Variants in NOTCH2 observed in about 807,000 individuals in gnomAD.
NOTCH2 encodes the protein neurogenic locus notch homolog protein 2.
A neutral mutation model predicts 235.8 loss-of-function variants in NOTCH2; 29 were observed. The observed-to-expected ratio is 0.12, with a 90% CI of 0.09 to 0.17. The LOEUF (loss-of-function observed/expected upper bound fraction) is 0.17, where lower values mean the gene tolerates loss of function less well. Among genes scored for constraint, NOTCH2 ranks in the 10% least tolerant of loss-of-function variants. NOTCH2 has a pLI of 1.00. For missense variants in NOTCH2, 2,285 were observed against 3,150.2 expected, an observed-to-expected ratio of 0.73 and a Z score of 6.57; for synonymous variants, 1,086 against 1,141.5, an observed-to-expected ratio of 0.95 and a Z score of 0.98.
At chr1:120,006,134 A>T (rs1447902763) in intron 2 of NOTCH2, among the ~76,000 whole-genome samples, 1 of 152,118 alleles carries the variant, frequency 6.6e-6, no homozygotes, top group Non-Finnish European at 1.5e-5. Flanking sequence ...TTCCACTGAA[A>T]CATCAATTGG....
chr1:119,953,313 C>CA lies in NOTCH2; in HGVS notation c.2365+229dup, dbSNP rs10695258. On this transcript the variant is annotated intron_variant, in intron 14 of 33. Coordinates refer to ENST00000256646, the MANE Select transcript of NOTCH2 (RefSeq NM_024408.4). ...GGGCAACAAGAGCAAAACTCTGTGT[C>CA]AAAAAAAAAAAAAATTACTATTTCA... Among the ~76,000 whole-genome samples, 16,349 of 143,818 alleles carry CA rather than the reference C, an allele frequency of 0.11. 1,889 individuals carry two copies. The highest frequency in any genetic ancestry group is 0.29 in the African/African-American group (11,857 of 40,398). The allele number at this position is 143,818 out of a possible 152,430, so 94.4% of individuals were successfully genotyped here. A position where few individuals can be genotyped will look rare whatever the true frequency, so the allele number is the denominator to read the frequency against.
In NOTCH2 at chr1:119,967,462, A is replaced by T; in HGVS notation, c.1424T>A (p.Ile475Asn). ...CQNDATCLDK[I>N]GGFTCLCMPG... ...CATGCACAGACATGTGAAGCCTCCA[A>T]TCTTATCCAGACAGGTAGCATCATT... Residue 475 changes from isoleucine to asparagine, a missense_variant, in exon 8 of 34, where the codon ATT becomes AAT. Coordinates refer to ENST00000256646, the MANE Select transcript of NOTCH2 (RefSeq NM_024408.4). 1.2e-6 allele frequency: 2 copies of T among 1,614,096 alleles called. No individual in the cohort carries two copies. The highest frequency in any genetic ancestry group is 1.7e-6 in the Non-Finnish European group (2 of 1,179,962).
chr1:119,943,579 T>C (rs931785801), intron 17 of NOTCH2, among the ~76,000 whole-genome samples: 1 of 152,178 alleles, frequency 6.6e-6, no homozygotes, highest in Admixed American at 6.5e-5. Context: ...AATTGAATAT[T>C]TGAACAAAGC....
chr1:119,939,143 T>C (rs1446151258), intron 19 of NOTCH2, among the ~76,000 whole-genome samples: 3 of 152,058 alleles, frequency 2.0e-5, no homozygotes, highest in African/African-American at 7.2e-5. Flanking sequence ...CACACAGACA[T>C]GGGGAGAACA....
At chr1:119,966,263 A>T (rs1651130026) in intron 9 of NOTCH2, 113 bp downstream of exon 9, 2 of 789,126 alleles carry the variant, frequency 2.5e-6, no homozygotes, top group Non-Finnish European at 4.6e-6. Flanking sequence ...CCAAGCACTT[A>T]CTCTAATGAT....
In NOTCH2 at chr1:119,976,054, A is replaced by T. The variant is rs2493407; in HGVS notation, c.875-6310T>A. Among the ~76,000 whole-genome samples the T allele has an allele frequency of 8.9e-4, 135 of 152,354 alleles. 4 individuals carry two copies. The South Asian group carries it at 0.024, about 27-fold the overall frequency. ...AAAAGTCTGATCACATTACTGGTCC[A>T]GTTAAGGGTCAACTCTCATTGCAAC... On this transcript the variant is annotated intron_variant, in intron 5 of 33. Transcript: ENST00000256646.
intron 14 of NOTCH2, among the ~76,000 whole-genome samples, chr1:119,951,048 AAC>A (rs1650451596): frequency 6.6e-6 from 1 of 152,218 alleles, no homozygotes; most frequent in Admixed American, 6.5e-5. Context: ...TGAATGGAAA[AAC>A]AGTCTATTCT....
At chr1:119,954,072 C>A (rs76085702) in intron 13 of NOTCH2, among the ~76,000 whole-genome samples, 1 of 152,116 alleles carries the variant, frequency 6.6e-6, no homozygotes, top group Non-Finnish European at 1.5e-5. Context: ...CAAATAGATA[C>A]CTAGGTCACT....
Position 119,925,814 on chromosome 1 carries a change from T to C in NOTCH2, c.4006-4A>G, listed in dbSNP as rs2101163396. ...GGCACCTTGCCCCGGAAAATCCCTGTGGAAATCAGTGAGGAAATAAAAATG... is the reference window on the plus strand; with the variant it reads ...GGCACCTTGCCCCGGAAAATCCCTGCGGAAATCAGTGAGGAAATAAAAATG... On this transcript the variant is annotated splice_polypyrimidine_tract_variant and splice_region_variant and intron_variant, in intron 24 of 33. Coordinates refer to ENST00000256646, the MANE Select transcript of NOTCH2 (RefSeq NM_024408.4). 1.5e-5 allele frequency: 24 copies of C among 1,613,960 alleles called. No homozygotes were observed. Among genetic ancestry groups the C allele is most frequent in the Non-Finnish European group, 1.9e-5 (23 of 1,179,994 alleles).
Position 119,997,044 on chromosome 1 carries a change from G to A in NOTCH2, c.704C>T (p.Thr235Ile), listed in dbSNP as rs138796691. ...CAPSPCVNGG[T>I]CRQTGDFTFE... ...AGTGAAGTCACCAGTCTGCCGACAGGTGCCTCCATTGACACAAGGTGAGGG... is the reference window on the plus strand; with the variant it reads ...AGTGAAGTCACCAGTCTGCCGACAGATGCCTCCATTGACACAAGGTGAGGG... Residue 235 changes from threonine to isoleucine, a missense_variant, in exon 4 of 34, where the codon ACC becomes ATC. By Grantham distance (89) the Thr-to-Ile change is moderately conservative (BLOSUM62 -1). Transcript: ENST00000256646. 2 of 1,614,016 alleles carry A rather than the reference G, an allele frequency of 1.2e-6. No individual in the cohort carries two copies. The highest frequency in any genetic ancestry group is 2.7e-5 in the African/African-American group (2 of 75,062).
At chr1:119,980,847 G>C (rs1553201562) in intron 5 of NOTCH2, among the ~76,000 whole-genome samples, 1 of 152,164 alleles carries the variant, frequency 6.6e-6, no homozygotes, top group Non-Finnish European at 1.5e-5. Context: ...TTCAGGGCAA[G>C]CTTCTAAGGC....
At position 119,963,749 on chromosome 1, in the gene NOTCH2, G is replaced by A. The variant is rs1651031244; in HGVS notation, c.1740C>T (p.His580=). The A allele has an allele frequency of 6.2e-7, 1 of 1,614,148 alleles. No individual in the cohort carries two copies. Among genetic ancestry groups the A allele is most frequent in the Non-Finnish European group, 8.5e-7 (1 of 1,180,008 alleles). ...CAATACCATCCTGACACTGACCATG[G>A]TGGCAAGGATCGGGGTCACAGTTGT... The part of the protein sequence containing the change: ...NIDNCDPDPC[H]HGQCQDGIDS... The change falls in exon 11 of 34, where the codon CAC becomes CAT. Residue 580 remains histidine (H), a synonymous_variant. Coordinates refer to ENST00000256646, the MANE Select transcript of NOTCH2 (RefSeq NM_024408.4).
intron 20 of NOTCH2, 83 bp downstream of exon 20, chr1:119,937,774 A>G: frequency 6.5e-7 from 1 of 1,538,014 alleles, no homozygotes; most frequent in Non-Finnish European, 8.9e-7. Flanking sequence ...CTCTTATTCC[A>G]CAAAAAAATG....
chr1:120,039,015 T>C (rs1570773876), intron 1 of NOTCH2, among the ~76,000 whole-genome samples: 1 of 151,284 alleles, frequency 6.6e-6, no homozygotes, highest in Non-Finnish European at 1.5e-5. Flanking sequence ...AAATTCCAAC[T>C]GAATGGGAAA....
At chr1:120,023,076 T>C (rs1408616708) in intron 2 of NOTCH2, among the ~76,000 whole-genome samples, 7 of 151,748 alleles carry the variant, frequency 4.6e-5, no homozygotes, top group Non-Finnish European at 7.4e-5. Flanking sequence ...TTATAGACTT[T>C]AACTTGCCAA....
At position 120,066,304 on chromosome 1, in the gene NOTCH2, G is replaced by A. The variant is rs587704556; in HGVS notation, c.73+3030C>T. ...AAAAAAAAATGTACTTAATCAGTGG[G>A]TTGCAACCAAGTTACTTGTCAGAAT... On this transcript the variant is annotated intron_variant, in intron 1 of 33. Transcript: ENST00000256646. Among the ~76,000 whole-genome samples, 15 of 149,660 alleles carry A rather than the reference G, an allele frequency of 1.0e-4. No individual in the cohort carries two copies. In the South Asian group the frequency reaches 3.2e-3, roughly 32 times the overall value.
At chr1:119,925,880 C>T in intron 24 of NOTCH2, 70 bp from the exon 25 acceptor site, 1 of 1,553,002 alleles carries the variant, frequency 6.4e-7, no homozygotes, top group Middle Eastern at 1.7e-4. Flanking sequence ...TTTGAGGTTT[C>T]TAGAAAACCT....
chr1:120,063,635 G>A (rs1655397555), intron 1 of NOTCH2, among the ~76,000 whole-genome samples: 1 of 152,086 alleles, frequency 6.6e-6, no homozygotes, highest in African/African-American at 2.4e-5. Context: ...TTCCAAGGGG[G>A]AAAAATGACC....
intron 2 of NOTCH2, among the ~76,000 whole-genome samples, chr1:120,026,986 C>T (rs1313447028): frequency 1.5e-5 from 2 of 137,790 alleles, no homozygotes; most frequent in African/African-American, 5.3e-5. Context: ...CAGTCTCGCT[C>T]TGTCGCTCAG....
Sources: allele counts gnomAD v4.1 joint callset (sites outside exome capture counted in the v4.1 genomes callset), GRCh38; gene constraint gnomAD v4.1.1; transcripts MANE v1.5; gene names NCBI Gene and HGNC (gene_info 2026-07-23, HGNC 2026-07-21).